Variants in CCDC191 observed in about 807,000 individuals in gnomAD.
The protein encoded by CCDC191 is coiled-coil domain containing 191, also known as coiled-coil domain-containing protein 191.
CCDC191 carries 99 observed loss-of-function variants against 114.0 expected under a neutral mutation model. The ratio of observed to expected loss-of-function variants is 0.87; its 90% CI spans 0.74 to 1.03. The LOEUF is 1.03. Ranked by LOEUF, CCDC191 falls within the 50% of genes least tolerant of loss-of-function variation. The pLI is 0.00. For synonymous variants in CCDC191, 351 were observed against 376.0 expected (o/e 0.93, Z 0.77); for missense variants, 973 against 1,087.0 (o/e 0.90, Z 1.47).
chr3:114,042,577 A>T, intron 4 of CCDC191, 126 bp downstream of exon 4: 1 of 674,274 alleles, frequency 1.5e-6, no homozygotes, highest in Non-Finnish European at 2.3e-6. Flanking sequence ...AATTAAAACC[A>T]ATAATAAAAA....
intron 16 of CCDC191, among the ~76,000 whole-genome samples, chr3:113,968,095 G>A (rs185794928): frequency 3.9e-4 from 60 of 152,210 alleles, no homozygotes; most frequent in African/African-American, 1.4e-3. Flanking sequence ...TAATAATCAC[G>A]GACATGCAAA....
rs187277146 is a variant in CCDC191 at position 113,978,077 on chromosome 3, C to T, written c.2606+109G>A. 3.2e-4 allele frequency: 404 copies of T among 1,261,914 alleles called. 2 individuals are homozygous for T. In the African/African-American group the frequency reaches 5.3e-3, roughly 17 times the overall value. 78.2% of individuals were successfully genotyped at this position (1,261,914 alleles called of 1,614,324 possible). A position where few individuals can be genotyped will look rare whatever the true frequency, so the allele number is the denominator to read the frequency against. ...CTCCCACCCCTGACTGGTGTTTCCC[C>T]GCTCTCCTAGCCTCCAGCTCATCTC... On this transcript the variant is annotated intron_variant, in intron 16 of 16. Transcript: ENST00000295878.
At chr3:114,039,566 A>T (rs2076533085) in intron 4 of CCDC191, 1 of 152,140 alleles carries the variant, frequency 6.6e-6, no homozygotes, top group South Asian at 2.1e-4. Context: ...TATCCAGATG[A>T]GGGTAATATT....
At chr3:113,978,729 G>GA (rs2075026597) in intron 15 of CCDC191, 129 bp downstream of exon 15, 1 of 931,410 alleles carries the variant, frequency 1.1e-6, no homozygotes, top group African/African-American at 1.7e-5. Context: ...TCAAAGCAGT[G>GA]AATGGGATTG....
At chr3:114,020,386 A>C (rs1282183333) in intron 7 of CCDC191, among the ~76,000 whole-genome samples, 1 of 152,192 alleles carries the variant, frequency 6.6e-6, no homozygotes, top group Non-Finnish European at 1.5e-5. Flanking sequence ...GTTTAGACAA[A>C]CTAAACAATA....
chr3:114,025,396 G>T (rs963844059), intron 7 of CCDC191, among the ~76,000 whole-genome samples: 1 of 151,694 alleles, frequency 6.6e-6, no homozygotes, highest in African/African-American at 2.4e-5. Flanking sequence ...CTTTTTTTCT[G>T]AAGTATTTAA....
chr3:113,970,813 C>T (rs1246558476), intron 16 of CCDC191, among the ~76,000 whole-genome samples: 2 of 151,766 alleles, frequency 1.3e-5, no homozygotes, highest in Non-Finnish European at 2.9e-5. Context: ...TGAGAACATG[C>T]GGTGTTTGGG....
intron 7 of CCDC191, among the ~76,000 whole-genome samples, chr3:114,030,597 G>A (rs2076390928): frequency 6.6e-6 from 1 of 152,018 alleles, no homozygotes; most frequent in Admixed American, 6.6e-5. Context: ...CCAAATTTTT[G>A]TTGGTTAATA....
At chr3:113,970,313 T>C (rs1178566864) in intron 16 of CCDC191, among the ~76,000 whole-genome samples, 4 of 152,130 alleles carry the variant, frequency 2.6e-5, no homozygotes, top group African/African-American at 9.7e-5. Flanking sequence ...CTAATTTAGC[T>C]TCTTCCTTTT....
intron 13 of CCDC191, among the ~76,000 whole-genome samples, chr3:113,990,964 G>A (rs1468401914): frequency 7.0e-6 from 1 of 143,434 alleles, no homozygotes; most frequent in Non-Finnish European, 1.5e-5. Flanking sequence ...AAGGCCAGAT[G>A]TGGTGGCTCA....
chr3:113,984,312 A>C (rs1323489722), intron 13 of CCDC191: 3 of 152,092 alleles, frequency 2.0e-5, no homozygotes, highest in Non-Finnish European at 2.9e-5. Flanking sequence ...ATACCCGCCC[A>C]AATAGAAGAG....
At chr3:114,024,767 G>C (rs1347797355) in intron 7 of CCDC191, among the ~76,000 whole-genome samples, 1 of 152,130 alleles carries the variant, frequency 6.6e-6, no homozygotes, top group African/African-American at 2.4e-5. Flanking sequence ...AAGTTAATGG[G>C]TGCGGCACAC....
chr3:114,021,965 CAT>C (rs781594473), intron 7 of CCDC191, among the ~76,000 whole-genome samples: 10 of 152,120 alleles, frequency 6.6e-5, no homozygotes, highest in Non-Finnish European at 1.3e-4. Context: ...TAACTTCCAT[CAT>C]CTCTTTATCA....
At chr3:114,048,924 C>T (rs2076665427) in intron 2 of CCDC191, among the ~76,000 whole-genome samples, 1 of 152,210 alleles carries the variant, frequency 6.6e-6, no homozygotes. Flanking sequence ...AAAAGCTGTA[C>T]TTTCCGATAT....
chr3:114,010,348 C>G (rs2076047927), intron 9 of CCDC191, among the ~76,000 whole-genome samples: 2 of 152,114 alleles, frequency 1.3e-5, no homozygotes, highest in Non-Finnish European at 2.9e-5. Context: ...TCTCTGTGAT[C>G]TTCTATCAAA....
At chr3:114,043,863 A>G (rs1301077360) in intron 3 of CCDC191, among the ~76,000 whole-genome samples, 1 of 152,104 alleles carries the variant, frequency 6.6e-6, no homozygotes, top group East Asian at 1.9e-4. Context: ...ATGACTTGCT[A>G]ATGGACTGGA....
intron 4 of CCDC191, 63 bp from the exon 5 acceptor site, chr3:114,036,849 C>A: frequency 9.4e-7 from 1 of 1,061,888 alleles, no homozygotes; most frequent in South Asian, 2.3e-5. Flanking sequence ...GTATTATATT[C>A]ATATTTACAT....
chr3:114,027,045 G>A (rs1174986477), intron 7 of CCDC191, among the ~76,000 whole-genome samples: 1 of 152,130 alleles, frequency 6.6e-6, no homozygotes, highest in Non-Finnish European at 1.5e-5. Flanking sequence ...ATCCTTTGTT[G>A]TTTCTGCTAA....
chr3:114,028,434 C>T (rs950296178), intron 7 of CCDC191, among the ~76,000 whole-genome samples: 4 of 151,742 alleles, frequency 2.6e-5, no homozygotes, highest in Non-Finnish European at 5.9e-5. Flanking sequence ...TACAGGCGCC[C>T]GCCACCATGC....
Sources: gnomAD v4.1 joint callset for allele counts (sites outside exome capture counted in the v4.1 genomes callset) on GRCh38, gnomAD v4.1.1 for gene constraint, MANE v1.5 for transcripts, NCBI Gene and HGNC (gene_info 2026-07-23, HGNC 2026-07-21) for gene names.